The following DTNA variants were observed in gnomAD, a reference collection of about 807,000 sequenced individuals.
The protein encoded by DTNA is dystrophin-related protein 3.
Under a neutral mutation model 100.7 loss-of-function variants are expected in DTNA, and 43 were observed. That is an observed-to-expected ratio of 0.43 (90% CI 0.33 to 0.55). DTNA has a LOEUF of 0.55. DTNA is among the 20% of genes least tolerant of loss of function. DTNA has a pLI of 0.04. For synonymous variants in DTNA, 349 were observed against 347.9 expected (o/e 1.00, Z -0.04); for missense variants, 798 against 953.9 (o/e 0.84, Z 2.15).
chr18:34,690,938 A>G (rs2079654521), intron 1 of DTNA, among the ~76,000 whole-genome samples: 1 of 152,102 alleles, frequency 6.6e-6, no homozygotes, highest in African/African-American at 2.4e-5. Flanking sequence ...CTCCTTTTTT[A>G]AGGATTAGGA....
chr18:34,784,945 T>C (rs948505013), intron 3 of DTNA, among the ~76,000 whole-genome samples: 3 of 151,928 alleles, frequency 2.0e-5, no homozygotes, highest in African/African-American at 4.8e-5. Context: ...CTTTTTTTTT[T>C]TTTTTTGAGA....
chr18:34,729,951 G>A (rs1379962198), intron 1 of DTNA, among the ~76,000 whole-genome samples: 2 of 151,854 alleles, frequency 1.3e-5, no homozygotes, highest in Non-Finnish European at 2.9e-5. Flanking sequence ...AAGACTTCAA[G>A]ATTTGTGTTT....
intron 1 of DTNA, among the ~76,000 whole-genome samples, chr18:34,561,196 G>T (rs1449928477): frequency 2.0e-5 from 3 of 152,172 alleles, no homozygotes; most frequent in Admixed American, 6.5e-5. Context: ...CAACAAACAT[G>T]ACTGTGACAA....
At chr18:34,789,190 C>T (rs953227618) in intron 3 of DTNA, among the ~76,000 whole-genome samples, 2 of 152,126 alleles carry the variant, frequency 1.3e-5, no homozygotes, top group Non-Finnish European at 2.9e-5. Context: ...GTACAATGTG[C>T]GTGACTGCAG....
chr18:34,639,165 G>A (rs772770239), intron 1 of DTNA, among the ~76,000 whole-genome samples: 1 of 152,158 alleles, frequency 6.6e-6, no homozygotes, highest in Non-Finnish European at 1.5e-5. Flanking sequence ...AGGTACTACT[G>A]ATACACCTTA....
intron 1 of DTNA, among the ~76,000 whole-genome samples, chr18:34,529,107 A>G (rs1392945986): frequency 6.6e-6 from 1 of 152,108 alleles, no homozygotes; most frequent in Non-Finnish European, 1.5e-5. Context: ...AACATGAGGA[A>G]AAGACGTAAA....
intron 1 of DTNA, among the ~76,000 whole-genome samples, chr18:34,528,543 T>G (rs1460751629): frequency 1.3e-5 from 2 of 152,022 alleles, no homozygotes; most frequent in Non-Finnish European, 2.9e-5. Context: ...GAGGATATAC[T>G]CCGGATAACT....
intron 1 of DTNA, among the ~76,000 whole-genome samples, chr18:34,606,771 C>A (rs938395416): frequency 2.0e-5 from 3 of 151,964 alleles, no homozygotes; most frequent in African/African-American, 4.8e-5. Flanking sequence ...CTAGCATGAG[C>A]AAGGATATGA....
intron 1 of DTNA, among the ~76,000 whole-genome samples, chr18:34,715,817 A>G (rs2146716560): frequency 6.6e-6 from 1 of 152,322 alleles, no homozygotes; most frequent in South Asian, 2.1e-4. Context: ...AAAGAGAAAA[A>G]GTGAATATCC....
intron 1 of DTNA, among the ~76,000 whole-genome samples, chr18:34,668,507 A>G (rs996163666): frequency 2.6e-5 from 4 of 151,786 alleles, no homozygotes; most frequent in Non-Finnish European, 5.9e-5. Context: ...AGTTCTTTTA[A>G]TTGTGATGTT....
At chr18:34,561,653 T>G (rs1349424726) in intron 1 of DTNA, among the ~76,000 whole-genome samples, 3 of 152,164 alleles carry the variant, frequency 2.0e-5, no homozygotes, top group African/African-American at 7.2e-5. Context: ...TTTGCTTGTC[T>G]TCTTTACAAA....
At chr18:34,524,753 A>AT (rs369760157) in intron 1 of DTNA, among the ~76,000 whole-genome samples, 2,309 of 151,606 alleles carry the variant, frequency 0.015, 63 homozygotes, top group African/African-American at 0.053. Flanking sequence ...ACACAAGAGG[A>AT]TTTTTTTTTA....
Position 34,731,444 on chromosome 18 carries a change from AGT to A in DTNA, c.-2+21000_-2+21001del, listed in dbSNP as rs2088170876. Among the ~76,000 whole-genome samples the A allele has an allele frequency of 4.6e-5, 7 of 152,110 alleles. No homozygotes were observed. In the South Asian group the frequency reaches 1.5e-3, roughly 32 times the overall value. Reference sequence around the variant, plus strand: ...CAGTGAGCCGAGATTGCGCCACTGCAGTCCGCAGTCCAGCCTGGGCGACAGAG... The same window carrying A: ...CAGTGAGCCGAGATTGCGCCACTGCACCGCAGTCCAGCCTGGGCGACAGAG... On this transcript the variant is annotated intron_variant, in intron 1 of 22. Coordinates refer to ENST00000444659, the MANE Select transcript of DTNA (RefSeq NM_001386795.1).
chr18:34,885,311 G>C (rs2096911732), intron 22 of DTNA, among the ~76,000 whole-genome samples: 1 of 152,146 alleles, frequency 6.6e-6, no homozygotes, highest in Non-Finnish European at 1.5e-5. Flanking sequence ...TGGAATACCT[G>C]ATTCAAATCC....
In DTNA at chr18:34,493,515, G is replaced by T; in HGVS notation, c.-2+1G>T. 1 of 152,260 alleles carries T rather than the reference G, an allele frequency of 6.6e-6. No individual in the cohort carries two copies. The highest frequency in any genetic ancestry group is 1.5e-5 in the Non-Finnish European group (1 of 68,090). The allele number at this position is 152,260 out of a possible 1,614,324, so 9.4% of individuals were successfully genotyped here. On this transcript the variant is annotated splice_donor_variant, in intron 1 of 19. Transcript: ENST00000283365. LOFTEE classifies it low-confidence loss of function (5UTR_SPLICE). ...GACTGAAGCGCCCGTCCATTCCAAGGTGTGTGCACGGCGTTTTCTTCTTTG... is the reference window on the plus strand; with the variant it reads ...GACTGAAGCGCCCGTCCATTCCAAGTTGTGTGCACGGCGTTTTCTTCTTTG...
intron 1 of DTNA, among the ~76,000 whole-genome samples, chr18:34,501,701 A>G (rs530725130): frequency 1.6e-4 from 24 of 152,276 alleles, no homozygotes; most frequent in African/African-American, 5.5e-4. Flanking sequence ...GGTGGCTTAA[A>G]CAACAGAAAT....
intron 1 of DTNA, among the ~76,000 whole-genome samples, chr18:34,571,145 T>C (rs947860628): frequency 6.6e-6 from 1 of 152,036 alleles, no homozygotes; most frequent in Admixed American, 6.6e-5. Context: ...GGCTACAAAG[T>C]TTATGTTCTT....
At chr18:34,608,741 A>G (rs751685322) in intron 1 of DTNA, among the ~76,000 whole-genome samples, 18 of 152,196 alleles carry the variant, frequency 1.2e-4, no homozygotes, top group Non-Finnish European at 2.5e-4. Flanking sequence ...TCCCATCAGA[A>G]TGTCAACTCT....
chr18:34,661,024 C>T (rs1326186544), intron 1 of DTNA, among the ~76,000 whole-genome samples: 1 of 152,176 alleles, frequency 6.6e-6, no homozygotes, highest in Non-Finnish European at 1.5e-5. Flanking sequence ...AAATATTTTT[C>T]AGAGTTTGAC....
Sources: gnomAD v4.1 joint callset for allele counts (sites outside exome capture counted in the v4.1 genomes callset) on GRCh38, gnomAD v4.1.1 for gene constraint, MANE v1.5 for transcripts, NCBI Gene and HGNC (gene_info 2026-07-23, HGNC 2026-07-21) for gene names.